The following GABRB1 variants were observed in gnomAD, a reference collection of about 807,000 sequenced individuals.
The protein encoded by GABRB1 is gamma-aminobutyric acid type A receptor subunit beta1.
Under a neutral mutation model 51.6 loss-of-function variants are expected in GABRB1, and 17 were observed. That is an observed-to-expected ratio of 0.33 (90% confidence interval 0.23 to 0.49). The LOEUF is 0.49. Ranked by LOEUF, GABRB1 falls within the 20% of genes least tolerant of loss-of-function variation. The pLI is 0.99. For missense variants in GABRB1, 410 were observed against 600.6 expected (o/e 0.68, Z 3.32); for synonymous variants, 247 against 218.9 (o/e 1.13, Z -1.14).
chr4:47,383,020 G>T (rs1202670463), intron 5 of GABRB1, among the ~76,000 whole-genome samples: 1 of 152,144 alleles, frequency 6.6e-6, no homozygotes, highest in Non-Finnish European at 1.5e-5. Context: ...CACCAATCTA[G>T]CACTTGGGAA....
At chr4:47,045,818 C>T (rs1726058741) in intron 3 of GABRB1, among the ~76,000 whole-genome samples, 1 of 152,044 alleles carries the variant, frequency 6.6e-6, no homozygotes, top group Non-Finnish European at 1.5e-5. Context: ...GTGGGGAACA[C>T]ACATTCAGTC....
In GABRB1 at chr4:47,102,988, A is replaced by G. The variant is rs867341899; in HGVS notation, c.241-58261A>G. 3.3e-5 allele frequency among the ~76,000 whole-genome samples: 5 copies of G among 152,054 alleles called. No homozygotes were observed. In the Middle Eastern group the frequency reaches 0.01, roughly 310 times the overall value. On this transcript the variant is annotated intron_variant, in intron 3 of 8. Coordinates refer to ENST00000295454, the MANE Select transcript of GABRB1 (RefSeq NM_000812.4). ...GGCAGGAATAGGAGAAGATAAGGAT[A>G]ATTTCTAGTTTCCTATGTGGACAGC...
intron 3 of GABRB1, among the ~76,000 whole-genome samples, chr4:47,048,247 G>A (rs1726186456): frequency 6.6e-6 from 1 of 152,074 alleles, no homozygotes; most frequent in Admixed American, 6.6e-5. Context: ...AAGGCCCTGG[G>A]CTAGGCCATT....
intron 5 of GABRB1, among the ~76,000 whole-genome samples, chr4:47,383,801 A>G (rs1043064260): frequency 1.2e-4 from 18 of 152,310 alleles, no homozygotes; most frequent in Admixed American, 1.0e-3. Context: ...CTAGAGTTGC[A>G]TATATTCAGA....
chr4:47,200,488 G>A (rs375433322), intron 4 of GABRB1, among the ~76,000 whole-genome samples: 4 of 152,006 alleles, frequency 2.6e-5, no homozygotes, highest in Non-Finnish European at 4.4e-5. Flanking sequence ...TAAAGGCATC[G>A]AACACTGTAT....
chr4:47,118,619 T>C (rs1715610148), intron 3 of GABRB1, among the ~76,000 whole-genome samples: 1 of 152,166 alleles, frequency 6.6e-6, no homozygotes, highest in South Asian at 2.1e-4. Flanking sequence ...TGACCGCGGA[T>C]GAAATACTTC....
At chr4:47,236,411 G>C (rs1367257563) in intron 4 of GABRB1, among the ~76,000 whole-genome samples, 2 of 151,990 alleles carry the variant, frequency 1.3e-5, no homozygotes, top group African/African-American at 4.8e-5. Context: ...ATATTGAAAA[G>C]TAGAGCCAAC....
chr4:47,138,038 A>G (rs1219389769), intron 3 of GABRB1, among the ~76,000 whole-genome samples: 2 of 152,094 alleles, frequency 1.3e-5, no homozygotes, highest in African/African-American at 4.8e-5. Flanking sequence ...GCCTCCTGTA[A>G]CATAGCAGTG....
chr4:47,277,924 G>C (rs1014377800), intron 4 of GABRB1, among the ~76,000 whole-genome samples: 3 of 151,702 alleles, frequency 2.0e-5, no homozygotes, highest in African/African-American at 7.3e-5. Flanking sequence ...TCCTTTCTTT[G>C]ATTTTTTTGT....
chr4:47,274,918 A>G (rs1723023381), intron 4 of GABRB1, among the ~76,000 whole-genome samples: 1 of 152,194 alleles, frequency 6.6e-6, no homozygotes, highest in East Asian at 1.9e-4. Flanking sequence ...TTCAGCTAGA[A>G]GAAATTATTT....
chr4:47,334,003 C>T (rs987356116), intron 5 of GABRB1, among the ~76,000 whole-genome samples: 1 of 152,152 alleles, frequency 6.6e-6, no homozygotes, highest in Non-Finnish European at 1.5e-5. Flanking sequence ...GAGCCAAGGG[C>T]TTGCCTGCCC....
chr4:47,277,937 C>T (rs1049964099), intron 4 of GABRB1, among the ~76,000 whole-genome samples: 1 of 151,004 alleles, frequency 6.6e-6, no homozygotes, highest in Admixed American at 6.6e-5. Context: ...TTTTTTGTAC[C>T]AACACATTTT....
In GABRB1 at chr4:47,004,901, T is replaced by C. The variant is rs188852490; in HGVS notation, c.-20+10975T>C. ...TACTTATAGTTTCAATAGTTTTGTG[T>C]TTCCTCGAAGGTCAATGGCATGCAG... On this transcript the variant is annotated intron_variant, in intron 1 of 3. Transcript: ENST00000513567. 1.3e-3 allele frequency among the ~76,000 whole-genome samples: 197 copies of C among 152,358 alleles called. 1 individual carries two copies. Among genetic ancestry groups the C allele is most frequent in the Middle Eastern group, 0.01 (3 of 294 alleles).
intron 4 of GABRB1, among the ~76,000 whole-genome samples, chr4:47,195,441 TAGATGATAGATAGATTAGATGATAGATA>T (rs1218389381): frequency 0.018 from 1,984 of 110,834 alleles, 26 homozygotes; most frequent in East Asian, 0.11. Context: ...GATAGATAGA[TAGATGATAGATAGATTAGATGATAGATA>T]GATAGATAGA....
At chr4:47,383,374 C>T (rs1321891823) in intron 5 of GABRB1, among the ~76,000 whole-genome samples, 1 of 152,096 alleles carries the variant, frequency 6.6e-6, no homozygotes, top group Non-Finnish European at 1.5e-5. Flanking sequence ...CACAACTTTG[C>T]ATCCACAGAT....
chr4:47,107,723 T>C (rs1409525935), intron 3 of GABRB1, among the ~76,000 whole-genome samples: 5 of 152,036 alleles, frequency 3.3e-5, no homozygotes, highest in Non-Finnish European at 7.4e-5. Context: ...TTAACTAATA[T>C]TTGTAGGTTG....
Position 47,405,411 on chromosome 4 carries a change from G to A in GABRB1, c.836-1271G>A, listed in dbSNP as rs1225458313. On this transcript the variant is annotated intron_variant, in intron 7 of 8. Coordinates refer to ENST00000295454, the MANE Select transcript of GABRB1 (RefSeq NM_000812.4). Reference sequence around the variant, plus strand: ...CCATTCCCTTTGGAAGTTCTCCTTTGTCTTTACTATCTATTTTATACTTTC... The same window carrying A: ...CCATTCCCTTTGGAAGTTCTCCTTTATCTTTACTATCTATTTTATACTTTC... 2.0e-5 allele frequency among the ~76,000 whole-genome samples: 3 copies of A among 151,930 alleles called. No homozygotes were observed. The East Asian group carries it at 5.8e-4, about 29-fold the overall frequency.
intron 3 of GABRB1, among the ~76,000 whole-genome samples, chr4:47,154,842 TTTTC>T (rs1055880557): frequency 1.3e-5 from 2 of 152,048 alleles, no homozygotes; most frequent in African/African-American, 4.8e-5. Flanking sequence ...TTTTTCTCCA[TTTTC>T]TTTCTTTCTC....
intron 3 of GABRB1, among the ~76,000 whole-genome samples, chr4:47,127,840 G>A (rs1288158987): frequency 1.3e-5 from 2 of 151,664 alleles, no homozygotes; most frequent in Non-Finnish European, 3.0e-5. Context: ...GAACTATAAA[G>A]CAACCACTTA....
Sources: gnomAD v4.1 joint callset for allele counts (sites outside exome capture counted in the v4.1 genomes callset) on GRCh38, gnomAD v4.1.1 for gene constraint, MANE v1.5 for transcripts, NCBI Gene and HGNC (gene_info 2026-07-23, HGNC 2026-07-21) for gene names.